The following SHISA9 variants were observed in gnomAD, a reference collection of about 807,000 sequenced individuals.
SHISA9 encodes the protein shisa family member 9, also known as protein shisa-9.
In SHISA9, 13 loss-of-function variants were observed where a neutral mutation model predicts 38.0. The observed-to-expected ratio is 0.34, with a 90% CI of 0.22 to 0.54. The LOEUF (loss-of-function observed/expected upper bound fraction) is 0.54. Among genes scored for constraint, SHISA9 ranks in the 20% least tolerant of loss-of-function variants. SHISA9 has a pLI of 0.91. For synonymous variants in SHISA9, 275 were observed against 242.0 expected, an observed-to-expected ratio of 1.14 and a Z score of -1.27; for missense variants, 538 against 575.8, an observed-to-expected ratio of 0.93 and a Z score of 0.67.
the SHISA9 span, among the ~76,000 whole-genome samples, chr16:13,285,470 T>G: frequency 6.7e-6 from 1 of 148,820 alleles, no homozygotes; most frequent in African/African-American, 2.5e-5. Context: ...TAGTTTTTTT[T>G]TTTTTTTTTT....
the SHISA9 span, among the ~76,000 whole-genome samples, chr16:13,504,964 GC>G: frequency 7.0e-3 from 1,065 of 152,244 alleles, 15 homozygotes; most frequent in African/African-American, 0.024. Flanking sequence ...ACAGCCTCAG[GC>G]CCCAAAAGAA....
intron 2 of SHISA9, among the ~76,000 whole-genome samples, chr16:12,973,428 A>G (rs1374503490): frequency 1.3e-5 from 2 of 152,184 alleles, no homozygotes; most frequent in Non-Finnish European, 2.9e-5. Context: ...ACTTCCATAA[A>G]GATATAGGCT....
intron 2 of SHISA9, among the ~76,000 whole-genome samples, chr16:13,025,595 A>AG (rs1476432315): frequency 6.6e-6 from 1 of 152,200 alleles, no homozygotes; most frequent in Non-Finnish European, 1.5e-5. Flanking sequence ...ATATTGAGCC[A>AG]GGGGTGGGAA....
intron 2 of SHISA9, among the ~76,000 whole-genome samples, chr16:12,929,761 C>G (rs2071439508): frequency 6.6e-6 from 1 of 151,896 alleles, no homozygotes; most frequent in South Asian, 2.1e-4. Context: ...TAAAAAAGCC[C>G]TGCACATCCT....
At chr16:13,554,288 G>C in the SHISA9 span, among the ~76,000 whole-genome samples, 1 of 133,518 alleles carries the variant, frequency 7.5e-6, no homozygotes, top group African/African-American at 2.8e-5. Context: ...AGATCTAGTT[G>C]CTAGAGATTA....
the SHISA9 span, among the ~76,000 whole-genome samples, chr16:13,364,763 T>G: frequency 6.6e-6 from 1 of 152,202 alleles, no homozygotes. Flanking sequence ...TTGAATAATA[T>G]GAATGACAGT....
At chr16:12,988,067 C>A (rs1469113039) in intron 2 of SHISA9, among the ~76,000 whole-genome samples, 4 of 152,160 alleles carry the variant, frequency 2.6e-5, no homozygotes, top group Non-Finnish European at 5.9e-5. Flanking sequence ...ACAGCAAGAC[C>A]CTGAAGCCAG....
the SHISA9 span, among the ~76,000 whole-genome samples, chr16:13,295,032 A>T: frequency 6.6e-6 from 1 of 152,176 alleles, no homozygotes; most frequent in Non-Finnish European, 1.5e-5. Context: ...CAGATTAAAA[A>T]AACTGGGGAA....
chr16:13,380,258 G>GATGTCCTT, the SHISA9 span, among the ~76,000 whole-genome samples: 1 of 152,048 alleles, frequency 6.6e-6, no homozygotes, highest in Non-Finnish European at 1.5e-5. Flanking sequence ...CGTATCAAAA[G>GATGTCCTT]ATGTCCTTTC....
intron 2 of SHISA9, among the ~76,000 whole-genome samples, chr16:13,191,239 T>G (rs1295389273): frequency 2.0e-5 from 3 of 152,246 alleles, no homozygotes; most frequent in Non-Finnish European, 4.4e-5. Context: ...TCCTTTTTTG[T>G]TCTTATGAGA....
chr16:12,968,501 G>A (rs1055505491), intron 2 of SHISA9, among the ~76,000 whole-genome samples: 13 of 152,042 alleles, frequency 8.6e-5, no homozygotes, highest in African/African-American at 3.1e-4. Context: ...GCCCCAAACT[G>A]GAAACAACTA....
At chr16:13,114,485 A>AG (rs2074011343) in intron 2 of SHISA9, among the ~76,000 whole-genome samples, 1 of 151,386 alleles carries the variant, frequency 6.6e-6, no homozygotes, top group South Asian at 2.1e-4. Flanking sequence ...AAAAAAAAAA[A>AG]AAAGACGAAA....
At chr16:13,109,274 C>T (rs990006974) in intron 2 of SHISA9, among the ~76,000 whole-genome samples, 1 of 152,120 alleles carries the variant, frequency 6.6e-6, no homozygotes, top group African/African-American at 2.4e-5. Flanking sequence ...AATCCTCCCA[C>T]CTTGGCTTCC....
At chr16:12,925,084 G>T (rs753343225) in intron 2 of SHISA9, among the ~76,000 whole-genome samples, 1 of 152,116 alleles carries the variant, frequency 6.6e-6, no homozygotes, top group African/African-American at 2.4e-5. Context: ...GATACAAATC[G>T]GCATGAATTC....
chr16:13,412,574 A>C, the SHISA9 span, among the ~76,000 whole-genome samples: 4 of 152,142 alleles, frequency 2.6e-5, no homozygotes, highest in Non-Finnish European at 4.4e-5. Context: ...TTCAAAAAGG[A>C]GGCCGGGCAT....
chr16:13,505,017 A>G, the SHISA9 span, among the ~76,000 whole-genome samples: 1 of 152,182 alleles, frequency 6.6e-6, no homozygotes, highest in Non-Finnish European at 1.5e-5. Flanking sequence ...ACTACGTGCC[A>G]GGAATTAGAG....
chr16:13,407,963 G>A, the SHISA9 span, among the ~76,000 whole-genome samples: 106 of 152,320 alleles, frequency 7.0e-4, no homozygotes, highest in Non-Finnish European at 1.1e-3. Context: ...AGAGATAGAT[G>A]TCTTATTATA....
At chr16:13,548,045 A>T in the SHISA9 span, among the ~76,000 whole-genome samples, 1 of 152,168 alleles carries the variant, frequency 6.6e-6, no homozygotes, top group African/African-American at 2.4e-5. Flanking sequence ...AGAATAGAGA[A>T]CAAAGAAATA....
At chr16:13,041,525 A>G (rs957680475) in intron 2 of SHISA9, among the ~76,000 whole-genome samples, 3 of 152,154 alleles carry the variant, frequency 2.0e-5, no homozygotes, top group Admixed American at 6.5e-5. Context: ...TATTCCTACC[A>G]GCCACTCAAG....
Sources: allele counts gnomAD v4.1 joint callset (sites outside exome capture counted in the v4.1 genomes callset), GRCh38; gene constraint gnomAD v4.1.1; transcripts MANE v1.5; gene names NCBI Gene and HGNC (gene_info 2026-07-23, HGNC 2026-07-21).